Variants in C19orf12 observed in about 807,000 individuals in gnomAD.
The protein encoded by C19orf12 is protein C19orf12.
Under a neutral mutation model 3.8 loss-of-function variants are expected in C19orf12, and 2 were observed. The observed-to-expected ratio is 0.53, with a 90% CI of 0.22 to 1.66. The LOEUF (loss-of-function observed/expected upper bound fraction) is 1.66, where lower values mean the gene tolerates loss of function less well. Among genes scored for constraint, C19orf12 ranks in the 40% most tolerant of loss-of-function variants. C19orf12 has a pLI of 0.20. For missense variants in C19orf12, 156 were observed against 188.8 expected (o/e 0.83, Z 1.02); for synonymous variants, 89 against 84.6 (o/e 1.05, Z -0.28).
intron 1 of C19orf12, among the ~76,000 whole-genome samples, chr19:29,712,840 T>G (rs1464791374): frequency 6.6e-6 from 1 of 152,144 alleles, no homozygotes; most frequent in Non-Finnish European, 1.5e-5. Context: ...CAGTGATATC[T>G]CAGACAATGA....
At position 29,702,319 on chromosome 19, in the gene C19orf12, A is replaced by G. The variant is rs1401133335; in HGVS notation, c.*393T>C. On this transcript the variant is annotated 3_prime_UTR_variant, in exon 3 of 3. Coordinates refer to ENST00000323670, the MANE Select transcript of C19orf12 (RefSeq NM_031448.6). ...GCAGCAGGTGCTCTGAAGAGGAGTC[A>G]TCTCCCAAGATGAGAAGGCCCCGGG... 1 of 467,630 alleles carries G rather than the reference A, an allele frequency of 2.1e-6. No individual in the cohort carries two copies. The highest frequency in any genetic ancestry group is 6.6e-5 in the East Asian group (1 of 15,084). The allele number at this position is 467,630 out of a possible 1,614,324, so 29.0% of individuals were successfully genotyped here.
chr19:29,701,357 T>A lies in C19orf12; in HGVS notation c.*1355A>T. ...AATGGCATAGCGTTTGCACGTAACC[T>A]ACGCACACCTTCCTGTATAATTTAA... On this transcript the variant is annotated 3_prime_UTR_variant, in exon 3 of 3. Transcript: ENST00000323670. The A allele has an allele frequency of 2.2e-6, 1 of 454,162 alleles. No homozygotes were observed. The allele number at this position is 454,162 out of a possible 1,614,324, so 28.1% of individuals were successfully genotyped here. A position where few individuals can be genotyped will look rare whatever the true frequency, so the allele number is the denominator to read the frequency against.
chr19:29,705,666 A>G (rs886225086), intron 2 of C19orf12, among the ~76,000 whole-genome samples: 9 of 149,622 alleles, frequency 6.0e-5, no homozygotes, highest in Non-Finnish European at 1.3e-4. Context: ...ATGAACCACC[A>G]TGCCTGGCTA....
rs1261456254 is a variant in C19orf12 at position 29,701,689 on chromosome 19, T to C, written c.*1023A>G. ...TCATTCTACTATGCTTTGTGAATACTGTGTTTTTTTTTTAAATTGAAGGTT... is the reference window on the plus strand; with the variant it reads ...TCATTCTACTATGCTTTGTGAATACCGTGTTTTTTTTTTAAATTGAAGGTT... On this transcript the variant is annotated 3_prime_UTR_variant, in exon 3 of 3. Coordinates refer to ENST00000323670, the MANE Select transcript of C19orf12 (RefSeq NM_031448.6). The C allele has an allele frequency of 4.6e-6, 2 of 434,840 alleles. No homozygotes were observed. The highest frequency in any genetic ancestry group is 2.4e-5 in the Admixed American group (1 of 41,444). The allele number at this position is 434,840 out of a possible 1,614,324, so 26.9% of individuals were successfully genotyped here. A position where few individuals can be genotyped will look rare whatever the true frequency, so the allele number is the denominator to read the frequency against.
In C19orf12 at chr19:29,715,131, G is replaced by A. The variant is rs1033232140; in HGVS notation, c.-17C>T. 1.5e-5 allele frequency: 9 copies of A among 597,474 alleles called. No homozygotes were observed. Among genetic ancestry groups the A allele is most frequent in the Non-Finnish European group, 2.7e-5 (9 of 337,944 alleles). 37.0% of individuals were successfully genotyped at this position (597,474 alleles called of 1,614,324 possible). A position where few individuals can be genotyped will look rare whatever the true frequency, so the allele number is the denominator to read the frequency against. ...GCTCCGGGCGCTCCTTTACCTGGGGGAGCGGAGGTCTACGCGGCGCGCTCG... is the reference window on the plus strand; with the variant it reads ...GCTCCGGGCGCTCCTTTACCTGGGGAAGCGGAGGTCTACGCGGCGCGCTCG... On this transcript the variant is annotated 5_prime_UTR_variant, in exon 1 of 3. Coordinates refer to ENST00000323670, the MANE Select transcript of C19orf12 (RefSeq NM_031448.6).
chr19:29,703,119 C>T, intron 2 of C19orf12, 142 bp from the exon 3 acceptor site: 7 of 1,087,464 alleles, frequency 6.4e-6, no homozygotes, highest in Non-Finnish European at 8.3e-6. Flanking sequence ...GGTGCCACGC[C>T]TGCTCCGCCA....
At position 29,700,215 on chromosome 19, in the gene C19orf12, G is replaced by A; in HGVS notation, c.*2497C>T. The A allele has an allele frequency of 2.2e-6, 1 of 454,144 alleles. No individual in the cohort carries two copies. The highest frequency in any genetic ancestry group is 4.4e-6 in the Non-Finnish European group (1 of 226,794). The allele number at this position is 454,144 out of a possible 1,614,324, so 28.1% of individuals were successfully genotyped here. ...AGACCAGGACCTGATGCACGAGTAA[G>A]AATGAATGGGGCCCAATCGCCTAAC... On this transcript the variant is annotated 3_prime_UTR_variant, in exon 3 of 3. Transcript: ENST00000323670.
chr19:29,712,504 C>A (rs1009461664), intron 1 of C19orf12, among the ~76,000 whole-genome samples: 1 of 152,024 alleles, frequency 6.6e-6, no homozygotes, highest in African/African-American at 2.4e-5. Flanking sequence ...GAGTGTTCTT[C>A]CCCCCCACCA....
chr19:29,715,319 CG>C (rs1362598885), upstream of C19orf12: 1 of 391,018 alleles, frequency 2.6e-6, no homozygotes, highest in Non-Finnish European at 5.1e-6. Context: ...AGCCACGCGC[CG>C]GGCCAGCTCC....
At chr19:29,706,149 C>T (rs1485610795) in intron 2 of C19orf12, among the ~76,000 whole-genome samples, 8 of 152,184 alleles carry the variant, frequency 5.3e-5, no homozygotes, top group Admixed American at 4.6e-4. Context: ...CAGGGTTCAC[C>T]TCCTCTGCAA....
chr19:29,711,093 G>A (rs563816372), intron 1 of C19orf12, among the ~76,000 whole-genome samples: 10 of 138,330 alleles, frequency 7.2e-5, no homozygotes, highest in South Asian at 2.4e-4. Flanking sequence ...AGGCTGGAGT[G>A]TAGCGGCGCG....
In C19orf12 at chr19:29,711,036, G is replaced by GTTTTTT. The variant is rs781530564; in HGVS notation, c.-10-2619_-10-2614dup. ...TAGCTAGATAGAGATATACAGAGAG[G>GTTTTTT]TTTTTTTTTTTTTTTTTTTTTTGAG... On this transcript the variant is annotated intron_variant, in intron 1 of 2. Transcript: ENST00000323670. Among the ~76,000 whole-genome samples, 79 of 98,266 alleles carry GTTTTTT rather than the reference G, an allele frequency of 8.0e-4. 1 individual carries two copies. The highest frequency in any genetic ancestry group is 2.3e-3 in the African/African-American group (53 of 23,160). The allele number at this position is 98,266 out of a possible 152,430, so 64.5% of individuals were successfully genotyped here.
chr19:29,703,065 C>CCATGAGCAGGCACATT lies in C19orf12; in HGVS notation c.161-104_161-89dup, dbSNP rs1380022567. On this transcript the variant is annotated intron_variant, in intron 2 of 2. Transcript: ENST00000323670. ...TCCCACTGAGTGCACACCACCATCA[C>CCATGAGCAGGCACATT]CATGAGCAGGCACATTCATGAGCGG... 15 of 1,564,062 alleles carry CCATGAGCAGGCACATT rather than the reference C, an allele frequency of 9.6e-6. No individual in the cohort carries two copies. The African/African-American group carries it at 2.0e-4, about 21-fold the overall frequency.
At chr19:29,703,682 A>G (rs1303252215) in intron 2 of C19orf12, among the ~76,000 whole-genome samples, 2 of 152,002 alleles carry the variant, frequency 1.3e-5, no homozygotes, top group African/African-American at 4.8e-5. Flanking sequence ...ACCAGCCACA[A>G]ATGCATTTTC....
At chr19:29,709,256 CAAT>C (rs1972543484) in intron 1 of C19orf12, among the ~76,000 whole-genome samples, 1 of 152,144 alleles carries the variant, frequency 6.6e-6, no homozygotes. Context: ...ACCTTTAGCA[CAAT>C]GACCTTTAGC....
chr19:29,713,114 G>C (rs573448217), intron 1 of C19orf12, among the ~76,000 whole-genome samples: 1 of 152,306 alleles, frequency 6.6e-6, no homozygotes, highest in South Asian at 2.1e-4. Flanking sequence ...TCAGCTTCCT[G>C]AATTCTCCAG....
At chr19:29,712,272 G>A (rs1267309106) in intron 1 of C19orf12, among the ~76,000 whole-genome samples, 1 of 152,098 alleles carries the variant, frequency 6.6e-6, no homozygotes, top group Non-Finnish European at 1.5e-5. Context: ...CAGGTGTCAT[G>A]GTGCTCGCCT....
rs139585199 is a variant in C19orf12 at position 29,702,833 on chromosome 19, G to A, written c.305C>T (p.Thr102Met). 50 of 1,614,094 alleles carry A rather than the reference G, an allele frequency of 3.1e-5. No homozygotes were observed. In the African/African-American group the frequency reaches 3.5e-4, roughly 11 times the overall value. ...CAGCGCGGTCAGCTGCACGGCGTCCGTCCACTCCAGGTGCCTGATGATGGC... is the reference window on the plus strand; with the variant it reads ...CAGCGCGGTCAGCTGCACGGCGTCCATCCACTCCAGGTGCCTGATGATGGC... Reference protein sequence around the residue: ...AAAIIRHLEWTDAVQLTALVM... With the variant: ...AAAIIRHLEWMDAVQLTALVM... The change falls in exon 3 of 3, where the codon ACG becomes ATG. Residue 102 changes from threonine to methionine, a missense_variant. Coordinates refer to ENST00000323670, the MANE Select transcript of C19orf12 (RefSeq NM_031448.6).
intron 2 of C19orf12, among the ~76,000 whole-genome samples, chr19:29,707,155 G>A (rs373329389): frequency 6.6e-6 from 1 of 152,186 alleles, no homozygotes; most frequent in African/African-American, 2.4e-5. Flanking sequence ...CCAGGAGTTT[G>A]AGACCAGCCT....
Sources: allele counts gnomAD v4.1 joint callset (sites outside exome capture counted in the v4.1 genomes callset), GRCh38; gene constraint gnomAD v4.1.1; transcripts MANE v1.5; gene names NCBI Gene and HGNC (gene_info 2026-07-23, HGNC 2026-07-21).